FTO: variants seen among roughly 807,000 people sequenced by gnomAD.
The protein encoded by FTO is FTO alpha-ketoglutarate dependent dioxygenase.
Under a neutral mutation model 63.9 loss-of-function variants are expected in FTO, and 47 were observed. The ratio of observed to expected loss-of-function variants is 0.74; its 90% confidence interval spans 0.58 to 0.94. The LOEUF (loss-of-function observed/expected upper bound fraction) is 0.94, where lower values mean the gene tolerates loss of function less well. Among genes scored for constraint, FTO ranks in the 40% least tolerant of loss-of-function variants. The pLI is 0.00. For synonymous variants in FTO, 207 were observed against 224.4 expected, an observed-to-expected ratio of 0.92 and a Z score of 0.69; for missense variants, 562 against 618.1, an observed-to-expected ratio of 0.91 and a Z score of 0.96.
At chr16:54,032,806 G>A (rs1446162989) in intron 8 of FTO, among the ~76,000 whole-genome samples, 3 of 152,202 alleles carry the variant, frequency 2.0e-5, no homozygotes, top group East Asian at 3.9e-4. Flanking sequence ...TTGGGTCCTG[G>A]GGATGGATCC....
chr16:53,801,771 T>C (rs1212970328), intron 1 of FTO, among the ~76,000 whole-genome samples: 2 of 152,036 alleles, frequency 1.3e-5, no homozygotes, highest in Non-Finnish European at 2.9e-5. Context: ...CTTTTTTTTC[T>C]TTTTTTGAAA....
At chr16:53,950,191 C>T (rs1245848449) in intron 8 of FTO, among the ~76,000 whole-genome samples, 2 of 80,558 alleles carry the variant, frequency 2.5e-5, no homozygotes, top group Admixed American at 1.5e-4. Context: ...TTAATCCATG[C>T]TCACAGATGG....
chr16:54,073,618 C>CCT (rs2085921198), intron 8 of FTO, among the ~76,000 whole-genome samples: 1 of 144,598 alleles, frequency 6.9e-6, no homozygotes, highest in Non-Finnish European at 1.5e-5. Flanking sequence ...TCTCTCTCCC[C>CCT]TTTTTTTTTT....
In FTO at chr16:53,943,478, GATTC is replaced by G. The variant is rs141523815; in HGVS notation, c.1364+9373_1364+9376del. Among the ~76,000 whole-genome samples, 1,048 of 152,284 alleles carry G rather than the reference GATTC, an allele frequency of 6.9e-3. 17 individuals are homozygous for G. The highest frequency in any genetic ancestry group is 0.024 in the African/African-American group (1,010 of 41,556). ...TTCTTAAACTTTTTGAGAAAACATT[GATTC>G]ATTTATTTATCCAACATACATTTAT... On this transcript the variant is annotated intron_variant, in intron 8 of 8. Transcript: ENST00000471389.
At chr16:54,033,312 A>G (rs2084872289) in intron 8 of FTO, among the ~76,000 whole-genome samples, 1 of 152,136 alleles carries the variant, frequency 6.6e-6, no homozygotes, top group South Asian at 2.1e-4. Flanking sequence ...AGAATTGGCC[A>G]CTTAGTGTCC....
In FTO at chr16:53,900,608, C is replaced by CTTTTTTTTT. The variant is rs752080961; in HGVS notation, c.1239+11676_1239+11684dup. On this transcript the variant is annotated intron_variant, in intron 7 of 8. Coordinates refer to ENST00000471389, the MANE Select transcript of FTO (RefSeq NM_001080432.3). Reference sequence around the variant, plus strand: ...CAGTCATTTAATCATTCATCTGCTCCTTTTTTTTTTTTTTTTTTTTTTTTT... The same window carrying CTTTTTTTTT: ...CAGTCATTTAATCATTCATCTGCTCCTTTTTTTTTTTTTTTTTTTTTTTTTTTTTTTTTT... 3.1e-4 allele frequency among the ~76,000 whole-genome samples: 21 copies of CTTTTTTTTT among 67,194 alleles called. 4 individuals are homozygous for CTTTTTTTTT. Among genetic ancestry groups the CTTTTTTTTT allele is most frequent in the African/African-American group, 3.9e-4 (6 of 15,330 alleles). The allele number at this position is 67,194 out of a possible 152,430, so 44.1% of individuals were successfully genotyped here. A position where few individuals can be genotyped will look rare whatever the true frequency, so the allele number is the denominator to read the frequency against.
At chr16:53,736,055 C>T (rs533707117) in intron 1 of FTO, among the ~76,000 whole-genome samples, 1 of 152,244 alleles carries the variant, frequency 6.6e-6, no homozygotes, top group South Asian at 2.1e-4. Context: ...ACATGTTAAC[C>T]ATATGAATAG....
At chr16:53,854,909 C>T (rs538739791) in intron 4 of FTO, among the ~76,000 whole-genome samples, 5 of 152,102 alleles carry the variant, frequency 3.3e-5, no homozygotes, top group South Asian at 2.1e-4. Flanking sequence ...TCTTCCAATC[C>T]GTGAGTATGG....
chr16:53,852,161 A>T (rs999035576), intron 4 of FTO, among the ~76,000 whole-genome samples: 2 of 149,914 alleles, frequency 1.3e-5, no homozygotes, highest in Non-Finnish European at 2.9e-5. Flanking sequence ...CCGTGGTCAC[A>T]ACTACTTGGG....
At chr16:53,719,253 C>CTTTTTTTTTTTTTTT (rs10527186) in intron 1 of FTO, among the ~76,000 whole-genome samples, 5 of 135,644 alleles carry the variant, frequency 3.7e-5, no homozygotes, top group Non-Finnish European at 6.2e-5. Context: ...TCTTCTTCTT[C>CTTTTTTTTTTTTTTT]TTTTTTTTTT....
intron 1 of FTO, among the ~76,000 whole-genome samples, chr16:53,724,268 G>A (rs1250987602): frequency 1.3e-5 from 2 of 152,190 alleles, no homozygotes; most frequent in Admixed American, 6.5e-5. Context: ...AGGGTATCTT[G>A]GCTGTATTCC....
chr16:53,854,343 C>G (rs560002180), intron 4 of FTO, among the ~76,000 whole-genome samples: 2 of 152,050 alleles, frequency 1.3e-5, no homozygotes, highest in South Asian at 2.1e-4. Flanking sequence ...TTTTTTGTTG[C>G]ATTTGCTTTT....
At chr16:54,033,292 T>C (rs1479763443) in intron 8 of FTO, among the ~76,000 whole-genome samples, 1 of 152,130 alleles carries the variant, frequency 6.6e-6, no homozygotes, top group Non-Finnish European at 1.5e-5. Context: ...CTGACTTACA[T>C]AATACTAGCA....
intron 8 of FTO, among the ~76,000 whole-genome samples, chr16:54,000,459 G>A (rs557037910): frequency 1.3e-5 from 2 of 152,118 alleles, no homozygotes; most frequent in Non-Finnish European, 1.5e-5. Flanking sequence ...ACTGCTAAGC[G>A]GGGGACATTC....
chr16:53,991,252 C>T (rs2083803885), intron 8 of FTO: 1 of 152,160 alleles, frequency 6.6e-6, no homozygotes, highest in Non-Finnish European at 1.5e-5. Flanking sequence ...TACTGTTAGA[C>T]ACAGATCGTG....
chr16:53,710,777 G>C (rs933393654), intron 1 of FTO, among the ~76,000 whole-genome samples: 1 of 152,116 alleles, frequency 6.6e-6, no homozygotes, highest in African/African-American at 2.4e-5. Context: ...TTAAGTATCT[G>C]GTAACAGTGG....
intron 8 of FTO, among the ~76,000 whole-genome samples, chr16:54,080,828 C>T (rs1420588535): frequency 6.6e-6 from 1 of 152,178 alleles, no homozygotes; most frequent in African/African-American, 2.4e-5. Context: ...CGTCAGTATT[C>T]TGCTCCTGGA....
intron 7 of FTO, among the ~76,000 whole-genome samples, chr16:53,930,081 G>A (rs1371166481): frequency 3.9e-5 from 6 of 151,992 alleles, no homozygotes; most frequent in Non-Finnish European, 8.8e-5. Flanking sequence ...CTGCTGCATC[G>A]TTATTCTCCA....
chr16:54,091,050 G>A (rs574484475), intron 8 of FTO, among the ~76,000 whole-genome samples: 18 of 152,228 alleles, frequency 1.2e-4, no homozygotes, highest in Middle Eastern at 3.4e-3. Context: ...CACCTGTGCC[G>A]TGATCTGTTG....
Sources: gnomAD v4.1 joint callset for allele counts (sites outside exome capture counted in the v4.1 genomes callset) on GRCh38, gnomAD v4.1.1 for gene constraint, MANE v1.5 for transcripts, NCBI Gene and HGNC (gene_info 2026-07-23, HGNC 2026-07-21) for gene names.